The following SLC35A1 variants were observed in gnomAD, a reference collection of about 807,000 sequenced individuals.
SLC35A1 encodes CMP-sialic acid transporter.
SLC35A1 carries 21 observed loss-of-function variants against 40.3 expected under a neutral mutation model. That is an observed-to-expected ratio of 0.52 (90% confidence interval 0.37 to 0.75). SLC35A1 has a LOEUF of 0.75. SLC35A1 is among the 30% of genes least tolerant of loss of function. The probability of loss-of-function intolerance (pLI) is 0.00; values close to 1 mark genes in which losing one functional copy is unlikely to be tolerated. For missense variants in SLC35A1, 297 were observed against 382.1 expected (o/e 0.78, Z 1.86); for synonymous variants, 146 against 147.3 (o/e 0.99, Z 0.06).
At position 87,508,480 on chromosome 6, in the gene SLC35A1, A is replaced by C; in HGVS notation, c.635A>C (p.Gln212Pro). Residue 212 changes from glutamine (Q) to proline (P), a missense_variant, in exon 6 of 8, where the codon CAA becomes CCA. Physicochemically the swap from Gln to Pro is moderately conservative, Grantham distance 76 (BLOSUM62 -1). Transcript: ENST00000369552. ...ACTTCTCTTTGGGTGAGAAACATTCAAATGTATCTATCAGGGATTATTGTG... is the reference window on the plus strand; with the variant it reads ...ACTTCTCTTTGGGTGAGAAACATTCCAATGTATCTATCAGGGATTATTGTG... The part of the protein sequence containing the change: ...SDTSLWVRNI[Q>P]MYLSGIIVTL... 1 of 1,611,564 alleles carries C rather than the reference A, an allele frequency of 6.2e-7. No individual in the cohort carries two copies. Among genetic ancestry groups the C allele is most frequent in the Non-Finnish European group, 8.5e-7 (1 of 1,178,016 alleles).
intron 2 of SLC35A1, among the ~76,000 whole-genome samples, chr6:87,492,516 A>G (rs1007815330): frequency 7.2e-6 from 1 of 138,060 alleles, no homozygotes. Context: ...CGTGGTATCT[A>G]TTTGTTCCAT....
chr6:87,510,874 A>AG (rs2127978305), intron 7 of SLC35A1, among the ~76,000 whole-genome samples: 1 of 151,926 alleles, frequency 6.6e-6, no homozygotes, highest in African/African-American at 2.4e-5. Flanking sequence ...TCCGTCTCAA[A>AG]AAAAAAAAAG....
intron 5 of SLC35A1, among the ~76,000 whole-genome samples, chr6:87,508,056 CTT>C (rs1465403381): frequency 6.6e-6 from 1 of 152,084 alleles, no homozygotes; most frequent in Non-Finnish European, 1.5e-5. Context: ...ATAATTCACT[CTT>C]AATGTAGTTT....
intron 1 of SLC35A1, among the ~76,000 whole-genome samples, chr6:87,475,580 T>C (rs1007626832): frequency 6.6e-6 from 1 of 152,254 alleles, no homozygotes; most frequent in South Asian, 2.1e-4. Context: ...AAACCTGATA[T>C]GGTTTTTAAA....
chr6:87,491,825 C>G (rs746631127), intron 2 of SLC35A1, among the ~76,000 whole-genome samples: 15 of 152,276 alleles, frequency 9.9e-5, no homozygotes, highest in Non-Finnish European at 2.1e-4. Context: ...TGGCCTTTTC[C>G]TCTTCTTATA....
rs148866783 is a variant in SLC35A1, at chr6:87,509,652, G to T, written c.886+477G>T. Among the ~76,000 whole-genome samples the T allele has an allele frequency of 1.2e-4, 18 of 152,052 alleles. No homozygotes were observed. The South Asian group carries it at 3.7e-3, about 32-fold the overall frequency. On this transcript the variant is annotated intron_variant, in intron 7 of 7. Coordinates refer to ENST00000369552, the MANE Select transcript of SLC35A1 (RefSeq NM_006416.5). ...ACTGCTTTGCATTTGGGTGTGAGACGGTTTTGAAAACAATCAAAATCTAGA... is the reference window on the plus strand; with the variant it reads ...ACTGCTTTGCATTTGGGTGTGAGACTGTTTTGAAAACAATCAAAATCTAGA...
chr6:87,483,007 T>G (rs1435652109), intron 2 of SLC35A1, among the ~76,000 whole-genome samples: 1 of 152,222 alleles, frequency 6.6e-6, no homozygotes, highest in African/African-American at 2.4e-5. Flanking sequence ...GTCAGTGATC[T>G]CAGTGCTTTC....
intron 2 of SLC35A1, among the ~76,000 whole-genome samples, chr6:87,482,480 C>T (rs1769272844): frequency 6.6e-6 from 1 of 152,234 alleles, no homozygotes; most frequent in Non-Finnish European, 1.5e-5. Context: ...GTATAGACCA[C>T]TCCTTCCTGA....
intron 2 of SLC35A1, among the ~76,000 whole-genome samples, chr6:87,492,545 A>ATTTTTTTTTTTTTTTTTTTTTTTTTTTT (rs59459204): frequency 8.7e-6 from 1 of 115,044 alleles, no homozygotes; most frequent in African/African-American, 3.5e-5. Context: ...ATTTATCTTG[A>ATTTTTTTTTTTTTTTTTTTTTTTTTTTT]TTTTTTTTTT....
chr6:87,507,020 T>C (rs1321271469), intron 5 of SLC35A1: 1 of 155,312 alleles, frequency 6.4e-6, no homozygotes, highest in Non-Finnish European at 1.4e-5. Flanking sequence ...TGGCGTTGTA[T>C]GTGTAGGGAC....
intron 1 of SLC35A1, among the ~76,000 whole-genome samples, chr6:87,474,270 A>G (rs1050350814): frequency 2.0e-5 from 3 of 152,240 alleles, no homozygotes; most frequent in Non-Finnish European, 4.4e-5. Flanking sequence ...TACAGTTTCC[A>G]TAGTTTCCGA....
At chr6:87,511,289 A>G (rs1770261584) in intron 7 of SLC35A1, 110 bp from the exon 8 acceptor site, 1 of 1,170,264 alleles carries the variant, frequency 8.5e-7, no homozygotes, top group African/African-American at 1.5e-5. Context: ...TCATAAAAAT[A>G]TGATCTGATA....
At chr6:87,496,226 G>C (rs1427211653) in intron 2 of SLC35A1, 1 of 152,144 alleles carries the variant, frequency 6.6e-6, no homozygotes, top group Non-Finnish European at 1.5e-5. Flanking sequence ...GGCAGCAGCA[G>C]AATCTCTCTG....
chr6:87,508,577 T>C lies in SLC35A1; in HGVS notation c.732T>C (p.Tyr244=), dbSNP rs1770158551. 2 of 1,612,514 alleles carry C rather than the reference T, an allele frequency of 1.2e-6. No individual in the cohort carries two copies. The highest frequency in any genetic ancestry group is 1.3e-5 in the African/African-American group (1 of 74,914). The change falls in exon 6 of 8, where the codon TAT becomes TAC. Residue 244 remains tyrosine, a synonymous_variant. Transcript: ENST00000369552. ...KEKGFFYGYT[Y]YVWFVIFLAS... Reference sequence around the variant, plus strand: ...AAGGATTTTTCTATGGTTACACATATTATGTCTGGTTTGTCATCTGTAAGT... The same window carrying C: ...AAGGATTTTTCTATGGTTACACATACTATGTCTGGTTTGTCATCTGTAAGT...
intron 7 of SLC35A1, among the ~76,000 whole-genome samples, 180 bp from the exon 8 acceptor site, chr6:87,511,219 G>A (rs954472086): frequency 1.1e-4 from 17 of 151,860 alleles, no homozygotes; most frequent in Admixed American, 6.6e-5. Context: ...GATTTTACCC[G>A]CCCTGCCTCC....
At chr6:87,497,439 A>G (rs1673479376) in intron 2 of SLC35A1, among the ~76,000 whole-genome samples, 1 of 152,170 alleles carries the variant, frequency 6.6e-6, no homozygotes, top group African/African-American at 2.4e-5. Context: ...ATCCTGACGC[A>G]CTGTACTTTA....
chr6:87,504,478 TTTTAC>T (rs1770019549), intron 4 of SLC35A1, among the ~76,000 whole-genome samples: 1 of 152,208 alleles, frequency 6.6e-6, no homozygotes, highest in Non-Finnish European at 1.5e-5. Context: ...GTATTCTTTT[TTTTAC>T]TTTTCACCAG....
rs1490442146 is a variant in SLC35A1, at chr6:87,506,442, T to G, written c.568T>G (p.Phe190Val). The G allele has an allele frequency of 1.3e-5, 21 of 1,613,484 alleles. No individual in the cohort carries two copies. The highest frequency in any genetic ancestry group is 1.8e-5 in the Non-Finnish European group (21 of 1,179,496). Residue 190 changes from phenylalanine to valine, a missense_variant, in exon 5 of 8, where the codon TTT becomes GTT. By Grantham distance (50) the Phe-to-Val change is conservative. Transcript: ENST00000369552. ...AGCTATTGCTGTATTGTGCTCAGGA[T>G]TTGCAGGTAAATCATGAAAGCATTG... The part of the protein sequence containing the change: ...AIAIAVLCSG[F>V]AGVYFEKVLK...
At chr6:87,487,799 C>T (rs558782209) in intron 2 of SLC35A1, among the ~76,000 whole-genome samples, 1 of 152,320 alleles carries the variant, frequency 6.6e-6, no homozygotes, top group African/African-American at 2.4e-5. Flanking sequence ...ACTTGTTCAG[C>T]GTCAGCCAGG....
Sources: gnomAD v4.1 joint callset for allele counts (sites outside exome capture counted in the v4.1 genomes callset) on GRCh38, gnomAD v4.1.1 for gene constraint, MANE v1.5 for transcripts, NCBI Gene and HGNC (gene_info 2026-07-23, HGNC 2026-07-21) for gene names.